Variants in RNF213 observed in about 807,000 individuals in gnomAD.
RNF213 encodes ring finger protein 213.
Under a neutral mutation model 514.4 loss-of-function variants are expected in RNF213, and 341 were observed. The observed-to-expected ratio is 0.66, with a 90% CI of 0.61 to 0.73. The LOEUF is 0.73. RNF213 is among the 30% of genes least tolerant of loss of function. The probability of loss-of-function intolerance (pLI) is 0.00; values close to 1 mark genes in which losing one functional copy is unlikely to be tolerated. For synonymous variants in RNF213, 2,655 were observed against 2,658.2 expected (o/e 1.00, Z 0.04); for missense variants, 5,767 against 6,615.6 (o/e 0.87, Z 4.45).
rs567757871 is a variant in RNF213, at chr17:80,323,837, G to T, written c.3025-1193G>T. 1.3e-4 allele frequency among the ~76,000 whole-genome samples: 18 copies of T among 139,746 alleles called. No homozygotes were observed. In the East Asian group the frequency reaches 1.6e-3, roughly 12 times the overall value. The allele number at this position is 139,746 out of a possible 152,430, so 91.7% of individuals were successfully genotyped here. ...TAAATTTCTAAGTACTTTTTTTTGG[G>T]GGGGGGTGCTATTGTAATTGGAATT... On this transcript the variant is annotated intron_variant, in intron 17 of 67. Coordinates refer to ENST00000582970, the MANE Select transcript of RNF213 (RefSeq NM_001256071.3).
rs2045337016 is a variant in RNF213 at position 80,305,773 on chromosome 17, C to T, written c.2211-479C>T. On this transcript the variant is annotated intron_variant, in intron 11 of 67. Coordinates refer to ENST00000582970, the MANE Select transcript of RNF213 (RefSeq NM_001256071.3). ...ATTACAGGATTACAGGCATGTGCCA[C>T]CATGCCTGGCTGATTTTTGTATTTT... 2.0e-5 allele frequency among the ~76,000 whole-genome samples: 3 copies of T among 152,070 alleles called. No individual in the cohort carries two copies. In the South Asian group the frequency reaches 6.2e-4, roughly 32 times the overall value.
chr17:80,300,205 A>G (rs1457007655), intron 11 of RNF213, among the ~76,000 whole-genome samples: 2 of 151,922 alleles, frequency 1.3e-5, no homozygotes, highest in Non-Finnish European at 2.9e-5. Flanking sequence ...CCTCACCAGC[A>G]TCTGTTATTT....
intron 17 of RNF213, chr17:80,319,734 T>C: frequency 7.2e-7 from 1 of 1,389,814 alleles, no homozygotes. Flanking sequence ...TGGAAAATTG[T>C]ATCAATTTAT....
At chr17:80,324,729 G>C (rs2046234557) in intron 17 of RNF213, among the ~76,000 whole-genome samples, 1 of 151,866 alleles carries the variant, frequency 6.6e-6, no homozygotes, top group African/African-American at 2.4e-5. Flanking sequence ...TGATATGAAA[G>C]TCCAAAAAAA....
At chr17:80,266,911 T>G (rs530680138) in intron 2 of RNF213, among the ~76,000 whole-genome samples, 1 of 152,238 alleles carries the variant, frequency 6.6e-6, no homozygotes, top group Admixed American at 6.5e-5. Flanking sequence ...CACCAAATGG[T>G]TAGCCAAGTT....
intron 3 of RNF213, among the ~76,000 whole-genome samples, chr17:80,284,838 T>G (rs560498338): frequency 1.3e-5 from 2 of 152,328 alleles, no homozygotes; most frequent in African/African-American, 4.8e-5. Flanking sequence ...TGGTGATTGA[T>G]TCCTCTGGAG....
intron 3 of RNF213, among the ~76,000 whole-genome samples, chr17:80,277,381 T>G (rs938865036): frequency 6.6e-6 from 1 of 151,872 alleles, no homozygotes; most frequent in Non-Finnish European, 1.5e-5. Context: ...GTGGATCACT[T>G]GAGGTCAGGA....
intron 67 of RNF213, 53 bp from the exon 68 acceptor site, chr17:80,393,266 CCACACAGTGCTGGGCTTACACACGTG>C: frequency 8.6e-7 from 1 of 1,160,030 alleles, no homozygotes; most frequent in Non-Finnish European, 1.2e-6. Flanking sequence ...CACACGTGAG[CCACACAGTGCTGGGCTTACACACGTG>C]AGCCACCATG....
Position 80,381,664 on chromosome 17 carries a change from A to T in RNF213, c.13915A>T (p.Ile4639Phe). The T allele has an allele frequency of 6.2e-7, 1 of 1,614,222 alleles. No individual in the cohort carries two copies. Among genetic ancestry groups the T allele is most frequent in the African/African-American group, 1.3e-5 (1 of 75,070 alleles). The change falls in exon 57 of 68, where the codon ATC becomes TTC. Residue 4639 changes from isoleucine to phenylalanine, a missense_variant. Physicochemically the swap from Ile to Phe is conservative, Grantham distance 21 (BLOSUM62 0). This residue lies in a region of RNF213 where 1,245 missense variants were observed against 1,339.0 expected (regional missense o/e 0.93). Transcript: ENST00000582970. ...KMLGHSADET[I>F]GVVHLVLRRL... Reference sequence around the variant, plus strand: ...GCTGGGACACAGTGCCGACGAGACCATCGGCGTGGTCCACCTCGTCCTGCG... The same window carrying T: ...GCTGGGACACAGTGCCGACGAGACCTTCGGCGTGGTCCACCTCGTCCTGCG...
intron 44 of RNF213, 80 bp downstream of exon 44, chr17:80,368,223 C>G (rs1342531266): frequency 4.1e-6 from 6 of 1,454,218 alleles, no homozygotes; most frequent in Non-Finnish European, 9.6e-7. Context: ...GAAATATAAA[C>G]TCTATTAACC....
In RNF213 at chr17:80,264,800, C is replaced by A. The variant is rs1412826377; in HGVS notation, c.97+1022C>A. On this transcript the variant is annotated intron_variant, in intron 2 of 67. Coordinates refer to ENST00000582970, the MANE Select transcript of RNF213 (RefSeq NM_001256071.3). This position sits in a 1 kb window ranked among gnomAD's most constrained non-coding sequence, Gnocchi z 5.0. ...GAGCCCTTACGGTGGCCACGAGGTC[C>A]TACATAGACGGCTGCCCACCCCATT... 3.3e-5 allele frequency among the ~76,000 whole-genome samples: 5 copies of A among 152,108 alleles called. No homozygotes were observed. Among genetic ancestry groups the A allele is most frequent in the Non-Finnish European group, 1.5e-5 (1 of 68,036 alleles).
chr17:80,326,639 G>C (rs2046289100), intron 18 of RNF213, among the ~76,000 whole-genome samples: 1 of 152,112 alleles, frequency 6.6e-6, no homozygotes, highest in Non-Finnish European at 1.5e-5. Context: ...AATGTCCTAT[G>C]GTTGGAATCT....
At chr17:80,318,765 G>A (rs1238876839) in intron 16 of RNF213, among the ~76,000 whole-genome samples, 3 of 151,974 alleles carry the variant, frequency 2.0e-5, no homozygotes, top group African/African-American at 7.3e-5. Flanking sequence ...TGTAGAGACG[G>A]GGTTTCACCG....
intron 1 of RNF213, among the ~76,000 whole-genome samples, chr17:80,261,202 G>A (rs561692960): frequency 6.6e-6 from 1 of 152,264 alleles, no homozygotes; most frequent in South Asian, 2.1e-4. Flanking sequence ...TTTGCGCCCC[G>A]GCAGTGCTGC....
At chr17:80,309,252 A>T in intron 14 of RNF213, 81 bp downstream of exon 14, 2 of 1,528,942 alleles carry the variant, frequency 1.3e-6, no homozygotes, top group Non-Finnish European at 1.8e-6. Context: ...AAGGAAACAG[A>T]CTGATTCCCG....
Position 80,391,760 on chromosome 17 carries a change from C to CTTTT in RNF213, c.15471-1560_15471-1557dup, listed in dbSNP as rs779136667. Among the ~76,000 whole-genome samples, 29 of 88,636 alleles carry CTTTT rather than the reference C, an allele frequency of 3.3e-4. 6 individuals are homozygous for CTTTT. Among genetic ancestry groups the CTTTT allele is most frequent in the African/African-American group, 6.2e-4 (14 of 22,552 alleles). 58.1% of individuals were successfully genotyped at this position (88,636 alleles called of 152,430 possible). On this transcript the variant is annotated intron_variant, in intron 67 of 67. Coordinates refer to ENST00000582970, the MANE Select transcript of RNF213 (RefSeq NM_001256071.3). Reference sequence around the variant, plus strand: ...CCTTATCCCAGGATTATAAACTAGCCTTTTTTTTTTTTTTTTTTTTTTTTT... The same window carrying CTTTT: ...CCTTATCCCAGGATTATAAACTAGCCTTTTTTTTTTTTTTTTTTTTTTTTTTTTT...
In RNF213 at chr17:80,326,066, C is replaced by T. The variant is rs367546284; in HGVS notation, c.3193+868C>T. ...CTCTGCCTCCCGGGTTCAAGCGATT[C>T]TCCTGCCTCAGCCTCCCAAGTAGCT... is the stretch of plus-strand genomic sequence containing the variant. On this transcript the variant is annotated intron_variant, in intron 18 of 67. Coordinates refer to ENST00000582970, the MANE Select transcript of RNF213 (RefSeq NM_001256071.3). 2.5e-4 allele frequency among the ~76,000 whole-genome samples: 38 copies of T among 152,220 alleles called. No individual in the cohort carries two copies. The East Asian group carries it at 6.4e-3, about 26-fold the overall frequency.
chr17:80,380,992 A>C lies in RNF213; in HGVS notation c.13797+5A>C. 6.2e-7 allele frequency: 1 copy of C among 1,614,156 alleles called. No homozygotes were observed. The highest frequency in any genetic ancestry group is 8.5e-7 in the Non-Finnish European group (1 of 1,180,002). ...GGAGCGTCCCAGAGTTCCCAGGTATAACCCAGTGCTGCCAAACAATGGGCT... is the reference window on the plus strand; with the variant it reads ...GGAGCGTCCCAGAGTTCCCAGGTATCACCCAGTGCTGCCAAACAATGGGCT... On this transcript the variant is annotated splice_donor_5th_base_variant and intron_variant, in intron 56 of 67. Coordinates refer to ENST00000582970, the MANE Select transcript of RNF213 (RefSeq NM_001256071.3).
At position 80,333,811 on chromosome 17, in the gene RNF213, A is replaced by T. The variant is rs939562514; in HGVS notation, c.4144-294A>T. On this transcript the variant is annotated intron_variant, in intron 21 of 67. Coordinates refer to ENST00000582970, the MANE Select transcript of RNF213 (RefSeq NM_001256071.3). The stretch of plus-strand genomic sequence containing the variant: ...TTATTGACAAAGCAGAAAAAGCAAC[A>T]GTAGTTACTTGGCAGGGTTATGTGA... 3 of 374,628 alleles carry T rather than the reference A, an allele frequency of 8.0e-6. No individual in the cohort carries two copies. The South Asian group carries it at 9.7e-5, about 12-fold the overall frequency. 23.2% of individuals were successfully genotyped at this position (374,628 alleles called of 1,614,324 possible).
Sources: gnomAD v4.1 joint callset for allele counts (sites outside exome capture counted in the v4.1 genomes callset) on GRCh38, gnomAD v4.1.1 for gene constraint, gnomAD v4.1.1 regional missense constraint, Gnocchi (gnomAD v3.1) non-coding constraint, MANE v1.5 for transcripts, NCBI Gene and HGNC (gene_info 2026-07-23, HGNC 2026-07-21) for gene names.